TMC7: variants seen among roughly 807,000 people sequenced by gnomAD.
TMC7 encodes the protein transmembrane channel-like protein 7.
In TMC7, 54 loss-of-function variants were observed where a neutral mutation model predicts 82.9. The observed-to-expected ratio is 0.65, with a 90% CI of 0.52 to 0.82. The LOEUF is 0.82. TMC7 is among the 40% of genes least tolerant of loss of function. The probability of loss-of-function intolerance (pLI) is 0.00; values close to 1 mark genes in which losing one functional copy is unlikely to be tolerated. For missense variants in TMC7, 820 were observed against 901.2 expected, an observed-to-expected ratio of 0.91 and a Z score of 1.15; for synonymous variants, 350 against 337.9, an observed-to-expected ratio of 1.04 and a Z score of -0.39.
intron 8 of TMC7, among the ~76,000 whole-genome samples, chr16:19,039,144 G>A (rs1004952934): frequency 1.9e-4 from 27 of 144,026 alleles, no homozygotes; most frequent in African/African-American, 7.0e-4. Flanking sequence ...AGGCTGGAGT[G>A]CAGTGGCACG....
chr16:19,050,394 CA>C (rs1334278799), intron 12 of TMC7, among the ~76,000 whole-genome samples: 7 of 125,694 alleles, frequency 5.6e-5, no homozygotes, highest in Non-Finnish European at 1.2e-4. Context: ...AAAAAAAAAC[CA>C]AAAAAAACAA....
At position 19,056,760 on chromosome 16, in the gene TMC7, G is replaced by A. The variant is rs80257069; in HGVS notation, c.2027+63G>A. 7.5e-4 allele frequency: 1,165 copies of A among 1,562,998 alleles called. 6 individuals are homozygous for A. Among genetic ancestry groups the A allele is most frequent in the South Asian group, 6.8e-3 (576 of 85,102 alleles). ...GCTCCTCCCATTGGGAAATGGCGGCGGTCGGGGCGGGGTCACCCTAGACTT... is the reference window on the plus strand; with the variant it reads ...GCTCCTCCCATTGGGAAATGGCGGCAGTCGGGGCGGGGTCACCCTAGACTT... On this transcript the variant is annotated intron_variant, in intron 14 of 15. Coordinates refer to ENST00000304381, the MANE Select transcript of TMC7 (RefSeq NM_024847.4).
In TMC7 at chr16:19,009,088, C is replaced by T. The variant is rs2039290843; in HGVS notation, c.68-84C>T. 1.1e-5 allele frequency: 17 copies of T among 1,483,230 alleles called. No homozygotes were observed. The South Asian group carries it at 2.2e-4, about 19-fold the overall frequency. The allele number at this position is 1,483,230 out of a possible 1,614,324, so 91.9% of individuals were successfully genotyped here. On this transcript the variant is annotated intron_variant, in intron 1 of 15. Transcript: ENST00000304381. ...CAGGCTAGTAACTATCTGCAAGGTT[C>T]AGTGATGATGTCCAAGATCCAAGTT... is the stretch of plus-strand genomic sequence containing the variant.
intron 1 of TMC7, among the ~76,000 whole-genome samples, chr16:19,003,344 C>T (rs907530573): frequency 3.3e-5 from 5 of 152,100 alleles, no homozygotes; most frequent in South Asian, 2.1e-4. Context: ...GGGCAACGGC[C>T]GCCCCTACTG....
intron 13 of TMC7, among the ~76,000 whole-genome samples, chr16:19,055,397 G>A (rs530675635): frequency 2.0e-5 from 3 of 151,864 alleles, no homozygotes; most frequent in East Asian, 1.9e-4. Context: ...TCGCTCTGTC[G>A]CCCAGGCTGG....
At chr16:19,024,267 C>T (rs1040062280) in intron 5 of TMC7, among the ~76,000 whole-genome samples, 7 of 152,022 alleles carry the variant, frequency 4.6e-5, no homozygotes, top group African/African-American at 1.7e-4. Flanking sequence ...ACAGAATAAA[C>T]AGAATTAGCT....
At chr16:19,011,132 C>T (rs1420601002) in intron 2 of TMC7, among the ~76,000 whole-genome samples, 5 of 152,140 alleles carry the variant, frequency 3.3e-5, no homozygotes, top group Non-Finnish European at 7.3e-5. Context: ...GCACATATCA[C>T]TTTTCTTTAC....
chr16:19,034,774 A>G (rs1378805577), intron 6 of TMC7, among the ~76,000 whole-genome samples: 2 of 152,160 alleles, frequency 1.3e-5, no homozygotes, highest in East Asian at 3.9e-4. Flanking sequence ...ATCCTTGGGG[A>G]TGGTAGTGGG....
intron 1 of TMC7, among the ~76,000 whole-genome samples, chr16:19,002,896 A>G (rs974319949): frequency 6.6e-6 from 1 of 152,216 alleles, no homozygotes; most frequent in Non-Finnish European, 1.5e-5. Flanking sequence ...CAATAACTGT[A>G]ATGAGATGAT....
At chr16:18,987,981 C>T (rs1254609245) in intron 1 of TMC7, among the ~76,000 whole-genome samples, 1 of 152,134 alleles carries the variant, frequency 6.6e-6, no homozygotes, top group African/African-American at 2.4e-5. Flanking sequence ...CCTGGAGCTG[C>T]GCTTGTGGTG....
chr16:19,042,236 A>G (rs1961046251), intron 9 of TMC7, among the ~76,000 whole-genome samples: 1 of 150,874 alleles, frequency 6.6e-6, no homozygotes, highest in African/African-American at 2.4e-5. Context: ...GTGCAGTGGC[A>G]TGATCGTAGG....
At chr16:19,013,056 A>G (rs1959463424) in intron 2 of TMC7, among the ~76,000 whole-genome samples, 1 of 151,332 alleles carries the variant, frequency 6.6e-6, no homozygotes, top group Non-Finnish European at 1.5e-5. Flanking sequence ...ACCTCAGGTG[A>G]TCCGCCTGCC....
chr16:18,989,364 A>G (rs1355367612), intron 1 of TMC7, among the ~76,000 whole-genome samples: 1 of 151,920 alleles, frequency 6.6e-6, no homozygotes, highest in African/African-American at 2.4e-5. Flanking sequence ...CTGCCCAGCA[A>G]CTCAGGCCTG....
chr16:19,056,984 CAA>C (rs1213886091), intron 14 of TMC7, among the ~76,000 whole-genome samples: 1 of 151,518 alleles, frequency 6.6e-6, no homozygotes, highest in Non-Finnish European at 1.5e-5. Flanking sequence ...AAATAAGTAA[CAA>C]AAATTAGCTG....
intron 13 of TMC7, among the ~76,000 whole-genome samples, chr16:19,054,708 C>T (rs1314155307): frequency 2.1e-5 from 3 of 143,664 alleles, no homozygotes; most frequent in African/African-American, 5.1e-5. Flanking sequence ...AAGAGTGTAA[C>T]TCTGTCTCAA....
At chr16:19,041,817 G>A (rs1056225403) in intron 9 of TMC7, among the ~76,000 whole-genome samples, 3 of 152,170 alleles carry the variant, frequency 2.0e-5, no homozygotes, top group African/African-American at 7.2e-5. Flanking sequence ...AGGCCCACAT[G>A]CTGTTTGGTA....
At chr16:19,060,999 CTTTTTT>C (rs34398653) in intron 15 of TMC7, among the ~76,000 whole-genome samples, 3 of 129,116 alleles carry the variant, frequency 2.3e-5, no homozygotes, top group Admixed American at 8.1e-5. Flanking sequence ...GATGGCCAGT[CTTTTTT>C]TTTTTTTTTT....
At chr16:18,991,752 G>C (rs2038955257) in intron 1 of TMC7, among the ~76,000 whole-genome samples, 1 of 151,786 alleles carries the variant, frequency 6.6e-6, no homozygotes, top group African/African-American at 2.4e-5. Context: ...CACCGCACAA[G>C]AGGCCCCGGT....
In TMC7 at chr16:19,021,767, G is replaced by C. The variant is rs752846032; in HGVS notation, c.599G>C (p.Ser200Thr). ...LLTKYKITNS[S>T]FVLIPFKDMD... ...ACGAAATACAAGATCACCAACAGCAGCTTCGTGCTCATTCCTTTCAAAGAC... is the reference window on the plus strand; with the variant it reads ...ACGAAATACAAGATCACCAACAGCACCTTCGTGCTCATTCCTTTCAAAGAC... Residue 200 changes from serine to threonine, a missense_variant, in exon 4 of 16, where the codon AGC becomes ACC. Around this residue, in one of 2 missense-constraint regions of TMC7, gnomAD observed 650 missense variants for 669.9 expected, o/e 0.97. Coordinates refer to ENST00000304381, the MANE Select transcript of TMC7 (RefSeq NM_024847.4). 2 of 1,614,196 alleles carry C rather than the reference G, an allele frequency of 1.2e-6. No homozygotes were observed.
Sources: gnomAD v4.1 joint callset for allele counts (sites outside exome capture counted in the v4.1 genomes callset) on GRCh38, gnomAD v4.1.1 for gene constraint, gnomAD v4.1.1 regional missense constraint, MANE v1.5 for transcripts, NCBI Gene and HGNC (gene_info 2026-07-23, HGNC 2026-07-21) for gene names.